MYO5B: variants seen among roughly 807,000 people sequenced by gnomAD.
MYO5B encodes myosin VB, also known as unconventional myosin-Vb.
MYO5B carries 143 observed loss-of-function variants against 229.3 expected under a neutral mutation model. The ratio of observed to expected loss-of-function variants is 0.62; its 90% CI spans 0.54 to 0.72. The LOEUF (loss-of-function observed/expected upper bound fraction) is 0.72. Ranked by LOEUF, MYO5B falls within the 30% of genes least tolerant of loss-of-function variation. MYO5B has a pLI of 0.00. For missense variants in MYO5B, 2,321 were observed against 2,331.0 expected, an observed-to-expected ratio of 1.00 and a Z score of 0.09; for synonymous variants, 918 against 885.2, an observed-to-expected ratio of 1.04 and a Z score of -0.66.
chr18:49,968,522 G>A (rs1254165242), intron 10 of MYO5B, among the ~76,000 whole-genome samples: 2 of 150,366 alleles, frequency 1.3e-5, no homozygotes, highest in Non-Finnish European at 3.0e-5. Flanking sequence ...ATGGGTCCGG[G>A]TGCTGGGGTG....
chr18:49,892,068 G>C (rs2024721731), intron 22 of MYO5B, among the ~76,000 whole-genome samples: 1 of 152,156 alleles, frequency 6.6e-6, no homozygotes, highest in South Asian at 2.1e-4. Flanking sequence ...TGTCACCTCT[G>C]TGCCTAGGGC....
intron 26 of MYO5B, among the ~76,000 whole-genome samples, chr18:49,874,570 A>T (rs2024494581): frequency 6.6e-6 from 1 of 152,240 alleles, no homozygotes; most frequent in Non-Finnish European, 1.5e-5. Flanking sequence ...AAAAACAAGA[A>T]TTTGCCAGCA....
chr18:49,984,871 C>CA, intron 7 of MYO5B, 46 bp from the exon 8 acceptor site: 1 of 1,329,472 alleles, frequency 7.5e-7, no homozygotes, highest in South Asian at 1.2e-5. Context: ...GAGGACACTT[C>CA]ATCCCACAGA....
At chr18:49,935,129 G>C (rs2025235105) in intron 16 of MYO5B, among the ~76,000 whole-genome samples, 1 of 152,178 alleles carries the variant, frequency 6.6e-6, no homozygotes, top group Non-Finnish European at 1.5e-5. Context: ...ATAAGGAAGA[G>C]AAAAGGGAGA....
intron 14 of MYO5B, among the ~76,000 whole-genome samples, chr18:49,946,669 C>G (rs535226357): frequency 0.4 from 661 of 1,662 alleles, 7 homozygotes; most frequent in African/African-American, 0.48. Context: ...GTGCTATAAT[C>G]TGGAATCAAC....
At chr18:49,931,580 G>A (rs899112911) in intron 16 of MYO5B, among the ~76,000 whole-genome samples, 2 of 152,180 alleles carry the variant, frequency 1.3e-5, no homozygotes, top group Non-Finnish European at 2.9e-5. Context: ...TATGTGCTGA[G>A]CACCTCACTG....
chr18:50,071,349 T>C (rs1336155220), intron 1 of MYO5B, among the ~76,000 whole-genome samples: 4 of 152,202 alleles, frequency 2.6e-5, no homozygotes, highest in Non-Finnish European at 4.4e-5. Context: ...CTTGTACAGA[T>C]GTTTCTATTT....
At chr18:50,155,834 A>T (rs1439008668) in intron 1 of MYO5B, among the ~76,000 whole-genome samples, 1 of 152,252 alleles carries the variant, frequency 6.6e-6, no homozygotes, top group Non-Finnish European at 1.5e-5. Context: ...AAAGTGCTTT[A>T]TGAAATGTCA....
At chr18:50,039,492 C>T (rs1228776786) in intron 3 of MYO5B, among the ~76,000 whole-genome samples, 1 of 151,958 alleles carries the variant, frequency 6.6e-6, no homozygotes, top group Non-Finnish European at 1.5e-5. Flanking sequence ...CCACCACACC[C>T]GGCTAATTTT....
At chr18:50,045,945 G>A (rs2030213162) in intron 2 of MYO5B, among the ~76,000 whole-genome samples, 1 of 152,172 alleles carries the variant, frequency 6.6e-6, no homozygotes, top group Admixed American at 6.5e-5. Flanking sequence ...ATCTATGTCT[G>A]TGTTACATAG....
chr18:50,011,516 C>A (rs770182433), intron 4 of MYO5B, among the ~76,000 whole-genome samples: 1 of 152,122 alleles, frequency 6.6e-6, no homozygotes, highest in African/African-American at 2.4e-5. Context: ...AAGGCCTGCA[C>A]GTCCAAAACA....
intron 22 of MYO5B, among the ~76,000 whole-genome samples, chr18:49,887,645 A>G (rs574876767): frequency 2.0e-5 from 3 of 152,214 alleles, no homozygotes; most frequent in Non-Finnish European, 2.9e-5. Flanking sequence ...CTGTGAGTCA[A>G]TTAGACATTT....
At position 50,006,364 on chromosome 18, in the gene MYO5B, G is replaced by C. The variant is rs575289851; in HGVS notation, c.456-4953C>G. On this transcript the variant is annotated intron_variant, in intron 4 of 39. Coordinates refer to ENST00000285039, the MANE Select transcript of MYO5B (RefSeq NM_001080467.3). ...AATAAAGCCACCTCTCCTGAGCCCA[G>C]TGAAATTCCTTTCATGTAGAGGGAG... Among the ~76,000 whole-genome samples the C allele has an allele frequency of 2.6e-5, 4 of 152,350 alleles. No homozygotes were observed. The East Asian group carries it at 7.7e-4, about 29-fold the overall frequency.
intron 1 of MYO5B, among the ~76,000 whole-genome samples, chr18:50,072,213 A>T (rs2030973269): frequency 6.6e-6 from 1 of 152,068 alleles, no homozygotes; most frequent in Admixed American, 6.5e-5. Flanking sequence ...TATGCAACTT[A>T]CATAACCAGG....
chr18:49,960,475 G>A (rs1178558542), intron 12 of MYO5B, among the ~76,000 whole-genome samples: 1 of 152,142 alleles, frequency 6.6e-6, no homozygotes, highest in Non-Finnish European at 1.5e-5. Context: ...TTAAAGTCAG[G>A]TTCATTGCAG....
chr18:50,017,630 ATG>A (rs1390690766), intron 4 of MYO5B, among the ~76,000 whole-genome samples: 1 of 152,116 alleles, frequency 6.6e-6, no homozygotes, highest in Admixed American at 6.5e-5. Context: ...TTATGTGAGC[ATG>A]TGTTTTCCTT....
chr18:50,175,969 T>C (rs1188551268), intron 1 of MYO5B, among the ~76,000 whole-genome samples: 1 of 152,264 alleles, frequency 6.6e-6, no homozygotes, highest in African/African-American at 2.4e-5. Context: ...GAATTCCACA[T>C]GACAGCCCTG....
At chr18:50,116,299 A>G (rs914798238) in intron 1 of MYO5B, among the ~76,000 whole-genome samples, 4 of 152,156 alleles carry the variant, frequency 2.6e-5, no homozygotes, top group Non-Finnish European at 5.9e-5. Context: ...CAGCCTGATC[A>G]CTAGTCAACA....
At chr18:50,045,337 A>G (rs530779230) in intron 2 of MYO5B, among the ~76,000 whole-genome samples, 13 of 152,276 alleles carry the variant, frequency 8.5e-5, no homozygotes, top group East Asian at 5.8e-4. Context: ...GGAAAGTAGT[A>G]TTGCGTGACT....
Sources: gnomAD v4.1 joint callset for allele counts (sites outside exome capture counted in the v4.1 genomes callset) on GRCh38, gnomAD v4.1.1 for gene constraint, MANE v1.5 for transcripts, NCBI Gene and HGNC (gene_info 2026-07-23, HGNC 2026-07-21) for gene names.